EGFLAM: variants seen among roughly 807,000 people sequenced by gnomAD.
EGFLAM encodes the protein pikachurin.
EGFLAM carries 79 observed loss-of-function variants against 113.1 expected under a neutral mutation model. The ratio of observed to expected loss-of-function variants is 0.70; its 90% CI spans 0.58 to 0.84. The LOEUF is 0.84. EGFLAM is among the 40% of genes least tolerant of loss of function. The pLI is 0.00. For missense variants in EGFLAM, 1,265 were observed against 1,291.6 expected (o/e 0.98, Z 0.32); for synonymous variants, 504 against 487.6 (o/e 1.03, Z -0.44).
intron 5 of EGFLAM, among the ~76,000 whole-genome samples, chr5:38,368,531 C>T (rs539596196): frequency 5.3e-5 from 8 of 152,158 alleles, no homozygotes; most frequent in Non-Finnish European, 1.2e-4. Flanking sequence ...CTGTTCACCC[C>T]GGCATCTTCT....
chr5:38,296,487 A>G (rs1403420369), intron 1 of EGFLAM, among the ~76,000 whole-genome samples: 1 of 152,140 alleles, frequency 6.6e-6, no homozygotes, highest in East Asian at 1.9e-4. Flanking sequence ...TTTTCTTTAC[A>G]GTAGAATTCC....
intron 1 of EGFLAM, among the ~76,000 whole-genome samples, chr5:38,276,279 C>T (rs1314158283): frequency 1.3e-5 from 2 of 152,184 alleles, no homozygotes; most frequent in African/African-American, 4.8e-5. Context: ...CACTGGGCCC[C>T]TCCCACAACA....
At chr5:38,274,575 C>G (rs373381085) in intron 1 of EGFLAM, among the ~76,000 whole-genome samples, 1 of 151,364 alleles carries the variant, frequency 6.6e-6, no homozygotes, top group East Asian at 1.9e-4. Flanking sequence ...GGAGAAAAAA[C>G]TGCCAACCAA....
chr5:38,451,998 A>C (rs932275876), intron 19 of EGFLAM, among the ~76,000 whole-genome samples: 1 of 151,138 alleles, frequency 6.6e-6, no homozygotes, highest in Non-Finnish European at 1.5e-5. Context: ...TCTCAAAAAA[A>C]AAAAAAAAAA....
At chr5:38,269,144 A>G (rs1189378911) in intron 1 of EGFLAM, among the ~76,000 whole-genome samples, 1 of 152,122 alleles carries the variant, frequency 6.6e-6, no homozygotes, top group Non-Finnish European at 1.5e-5. Flanking sequence ...CTGCCACTGC[A>G]CTCCAGCCTG....
At chr5:38,407,361 A>G (rs1291056430) in intron 8 of EGFLAM, among the ~76,000 whole-genome samples, 2 of 152,228 alleles carry the variant, frequency 1.3e-5, no homozygotes, top group African/African-American at 4.8e-5. Context: ...ATGTGTGCCA[A>G]ATGTGTAGTC....
chr5:38,337,749 C>T, intron 2 of EGFLAM, 120 bp downstream of exon 2: 1 of 816,094 alleles, frequency 1.2e-6, no homozygotes, highest in Non-Finnish European at 1.9e-6. Flanking sequence ...ATTCTCCCTC[C>T]ATAAAGCTAG....
chr5:38,314,678 G>A (rs531223383), intron 1 of EGFLAM, among the ~76,000 whole-genome samples: 10 of 152,196 alleles, frequency 6.6e-5, no homozygotes, highest in South Asian at 2.1e-4. Flanking sequence ...AAGCCTTACC[G>A]CCCACCCAAA....
At chr5:38,347,545 A>C (rs1358310747) in intron 3 of EGFLAM, among the ~76,000 whole-genome samples, 1 of 152,118 alleles carries the variant, frequency 6.6e-6, no homozygotes, top group Non-Finnish European at 1.5e-5. Context: ...GTCATGAAGA[A>C]TGAGTAGGGG....
intron 1 of EGFLAM, among the ~76,000 whole-genome samples, chr5:38,279,998 C>G (rs189827083): frequency 6.6e-6 from 1 of 152,020 alleles, no homozygotes; most frequent in East Asian, 1.9e-4. Flanking sequence ...TTTGATCTTT[C>G]AACTAACAAA....
intron 20 of EGFLAM, among the ~76,000 whole-genome samples, chr5:38,458,660 C>T (rs1743169863): frequency 6.6e-6 from 1 of 152,156 alleles, no homozygotes; most frequent in Admixed American, 6.5e-5. Context: ...CTGGAAGAAC[C>T]TTGAGAGTTC....
chr5:38,267,139 C>T (rs529738447), intron 1 of EGFLAM, among the ~76,000 whole-genome samples: 4 of 152,244 alleles, frequency 2.6e-5, no homozygotes, highest in East Asian at 1.9e-4. Context: ...TCCAGTATCC[C>T]CCTTATCTAA....
intron 17 of EGFLAM, among the ~76,000 whole-genome samples, chr5:38,444,726 C>A (rs1039891044): frequency 1.3e-5 from 2 of 152,166 alleles, no homozygotes; most frequent in Non-Finnish European, 2.9e-5. Flanking sequence ...AGGTGGATCA[C>A]CTGAGGTCAG....
intron 5 of EGFLAM, among the ~76,000 whole-genome samples, chr5:38,355,042 TC>T (rs1218776314): frequency 1.3e-5 from 2 of 151,924 alleles, no homozygotes; most frequent in Non-Finnish European, 2.9e-5. Context: ...TAGTGTGGGG[TC>T]CCCTCAAAAG....
At chr5:38,458,284 C>A (rs755817562) in intron 19 of EGFLAM, 27 bp from the exon 20 acceptor site, 13 of 1,607,898 alleles carry the variant, frequency 8.1e-6, no homozygotes, top group Non-Finnish European at 1.1e-5. Context: ...ATTCTGTTCT[C>A]TGTCTTCTTC....
chr5:38,280,692 T>TA (rs911850059), intron 1 of EGFLAM, among the ~76,000 whole-genome samples: 21 of 152,222 alleles, frequency 1.4e-4, no homozygotes, highest in African/African-American at 4.8e-4. Context: ...TCAGTGTCCC[T>TA]AGTTGTTCCT....
intron 5 of EGFLAM, among the ~76,000 whole-genome samples, chr5:38,365,966 G>T (rs1330207010): frequency 6.6e-6 from 1 of 152,152 alleles, no homozygotes; most frequent in Non-Finnish European, 1.5e-5. Context: ...CAGCTTCATT[G>T]TCTGTCATTC....
chr5:38,353,063 C>T (rs756827022), intron 5 of EGFLAM, among the ~76,000 whole-genome samples: 5 of 152,242 alleles, frequency 3.3e-5, no homozygotes, highest in African/African-American at 7.2e-5. Context: ...GTTTCTTTCA[C>T]GTCCGTATTG....
At chr5:38,320,152 G>T (rs950158649) in intron 1 of EGFLAM, among the ~76,000 whole-genome samples, 4 of 152,230 alleles carry the variant, frequency 2.6e-5, no homozygotes, top group Non-Finnish European at 5.9e-5. Flanking sequence ...CTTCATTCCA[G>T]TTCCTCCCTA....
Sources: allele counts gnomAD v4.1 joint callset (sites outside exome capture counted in the v4.1 genomes callset), GRCh38; gene constraint gnomAD v4.1.1; transcripts MANE v1.5; gene names NCBI Gene and HGNC (gene_info 2026-07-23, HGNC 2026-07-21).